Variants in MED13 observed in about 807,000 individuals in gnomAD.
The protein encoded by MED13 is mediator of RNA polymerase II transcription subunit 13.
In MED13, 23 loss-of-function variants were observed where a neutral mutation model predicts 225.2. The ratio of observed to expected loss-of-function variants is 0.10; its 90% CI spans 0.07 to 0.14. The LOEUF (loss-of-function observed/expected upper bound fraction) is 0.14, where lower values mean the gene tolerates loss of function less well. MED13 is among the 10% of genes least tolerant of loss of function. MED13 has a pLI of 1.00. For missense variants in MED13, 2,197 were observed against 2,594.5 expected (o/e 0.85, Z 3.33); for synonymous variants, 942 against 889.2 (o/e 1.06, Z -1.06).
intron 10 of MED13, 46 bp downstream of exon 10, chr17:61,995,106 C>T: frequency 1.5e-6 from 2 of 1,314,822 alleles, no homozygotes; most frequent in Non-Finnish European, 2.2e-6. Flanking sequence ...ATATGCAGTG[C>T]TACAAAATCA....
At chr17:61,961,295 C>A (rs986115791) in intron 22 of MED13, among the ~76,000 whole-genome samples, 7 of 151,866 alleles carry the variant, frequency 4.6e-5, no homozygotes, top group African/African-American at 1.7e-4. Context: ...TTGGGAAGCA[C>A]AGGTGGGCGA....
Position 62,052,594 on chromosome 17 carries a change from C to T in MED13, c.413G>A (p.Arg138His), listed in dbSNP as rs146092856. The change falls in exon 3 of 30, where the codon CGT becomes CAT. Residue 138 changes from arginine (R) to histidine (H), a missense_variant. Transcript: ENST00000397786. ...ERCLMNRNFV[R>H]IGKWFVKPYE... ...AGGCTTTACAAACCACTTGCCAATA[C>T]GTACAAAATTCCTGTTCATTAAACA... 6.3e-6 allele frequency: 10 copies of T among 1,596,914 alleles called. No homozygotes were observed. The highest frequency in any genetic ancestry group is 8.5e-6 in the Non-Finnish European group (10 of 1,170,406).
intron 8 of MED13, among the ~76,000 whole-genome samples, chr17:62,024,322 G>A (rs1445964116): frequency 6.6e-6 from 1 of 152,160 alleles, no homozygotes. Flanking sequence ...CTGGACAAGA[G>A]AAAACAACTT....
intron 24 of MED13, 135 bp downstream of exon 24, chr17:61,956,204 T>C: frequency 1.2e-6 from 1 of 843,568 alleles, no homozygotes; most frequent in Non-Finnish European, 1.7e-6. Context: ...TTAAGCCATT[T>C]GTGGCCTAGA....
intron 16 of MED13, among the ~76,000 whole-genome samples, chr17:61,976,911 A>G (rs2143431361): frequency 6.6e-6 from 1 of 152,310 alleles, no homozygotes. Flanking sequence ...CAGCCTGGGC[A>G]ACAGAGTGAG....
At chr17:61,952,929 C>G in intron 27 of MED13, 36 bp downstream of exon 27, 1 of 1,599,536 alleles carries the variant, frequency 6.3e-7, no homozygotes, top group Non-Finnish European at 8.5e-7. Flanking sequence ...GCCACTGCGC[C>G]CGGCCGAGAA....
chr17:62,063,052 GA>G lies in MED13; in HGVS notation c.301+14del. On this transcript the variant is annotated intron_variant, in intron 2 of 29. Coordinates refer to ENST00000397786, the MANE Select transcript of MED13 (RefSeq NM_005121.3). Reference sequence around the variant, plus strand: ...GTTGCTATATCATTAGTTAGAAATGGAAAGTTTCTTTCACCTGATAAGTCAT... The same window carrying G: ...GTTGCTATATCATTAGTTAGAAATGGAAGTTTCTTTCACCTGATAAGTCAT... The G allele has an allele frequency of 6.3e-7, 1 of 1,583,700 alleles. No individual in the cohort carries two copies. The highest frequency in any genetic ancestry group is 8.7e-7 in the Non-Finnish European group (1 of 1,153,316).
intron 23 of MED13, among the ~76,000 whole-genome samples, chr17:61,960,198 C>T (rs1436719490): frequency 6.6e-6 from 1 of 152,086 alleles, no homozygotes; most frequent in Non-Finnish European, 1.5e-5. Flanking sequence ...TAGTTATATC[C>T]TTCGTAAATA....
rs1220074385 is a variant in MED13 at position 61,955,521 on chromosome 17, A to G, written c.5829T>C (p.Asn1943=). The G allele has an allele frequency of 6.3e-7, 1 of 1,584,722 alleles. No individual in the cohort carries two copies. The highest frequency in any genetic ancestry group is 2.2e-5 in the East Asian group (1 of 44,622). The change falls in exon 26 of 30, where the codon AAT becomes AAC. Residue 1943 remains asparagine, a synonymous_variant. Transcript: ENST00000397786. ...GSVFGRSTTL[N]MQTSQLNTPQ... ...GGGTATTTAGCTGAGATGTCTGCAT[A>G]TTTAGAGTCGTGCTTCTTCCAAATA... is the stretch of plus-strand genomic sequence containing the variant.
intron 10 of MED13, among the ~76,000 whole-genome samples, chr17:61,994,811 G>C (rs1458686979): frequency 6.6e-6 from 1 of 152,168 alleles, no homozygotes; most frequent in Non-Finnish European, 1.5e-5. Context: ...CTGGGTTCAA[G>C]GGATTCTCCT....
At chr17:62,021,271 A>C (rs2080641570) in intron 8 of MED13, among the ~76,000 whole-genome samples, 1 of 150,426 alleles carries the variant, frequency 6.6e-6, no homozygotes. Flanking sequence ...GCGGCCGGGC[A>C]GAGGCGCCCC....
intron 17 of MED13, among the ~76,000 whole-genome samples, chr17:61,970,323 G>A (rs2080095665): frequency 6.6e-6 from 1 of 152,082 alleles, no homozygotes. Flanking sequence ...TTCATCCACT[G>A]AATCAGCATC....
chr17:62,041,633 G>C (rs1365883189), intron 3 of MED13, among the ~76,000 whole-genome samples: 1 of 152,026 alleles, frequency 6.6e-6, no homozygotes, highest in East Asian at 1.9e-4. Context: ...CTGGAGTGCA[G>C]TGGCATGATC....
Position 61,953,126 on chromosome 17 carries a change from A to G in MED13, c.5969-13T>C, listed in dbSNP as rs2079911067. ...CCATCTGCTCCATCTAAACAGGAGA[A>G]AGAAAAGAAATTTAAAACTCCATTT... On this transcript the variant is annotated splice_polypyrimidine_tract_variant and intron_variant, in intron 26 of 29. Transcript: ENST00000397786. The G allele has an allele frequency of 6.2e-7, 1 of 1,603,656 alleles. No homozygotes were observed. Among genetic ancestry groups the G allele is most frequent in the East Asian group, 2.2e-5 (1 of 44,810 alleles).
Position 61,992,622 on chromosome 17 carries a change from C to A in MED13, c.2182-1G>T. 6.3e-7 allele frequency: 1 copy of A among 1,598,084 alleles called. No individual in the cohort carries two copies. Among genetic ancestry groups the A allele is most frequent in the Non-Finnish European group, 8.6e-7 (1 of 1,166,838 alleles). On this transcript the variant is annotated splice_acceptor_variant, in intron 10 of 29. Transcript: ENST00000397786. LOFTEE classifies it high-confidence loss of function. ...TTACACTAGATGTCCCATCTTCTAC[C>A]TGCAAACAAATATTTCATGTTAGGC...
chr17:62,031,882 GA>G (rs1320164831), intron 5 of MED13, among the ~76,000 whole-genome samples: 1 of 151,418 alleles, frequency 6.6e-6, no homozygotes, highest in Non-Finnish European at 1.5e-5. Flanking sequence ...GAGAGATTTG[GA>G]AAAAGGCAGC....
At chr17:61,992,031 T>C (rs988855484) in intron 11 of MED13, among the ~76,000 whole-genome samples, 3 of 152,246 alleles carry the variant, frequency 2.0e-5, no homozygotes, top group African/African-American at 7.2e-5. Flanking sequence ...TGCTATAGGC[T>C]TGAAAGTAGT....
At chr17:61,996,158 G>C (rs1380553282) in intron 9 of MED13, among the ~76,000 whole-genome samples, 1 of 152,162 alleles carries the variant, frequency 6.6e-6, no homozygotes, top group Non-Finnish European at 1.5e-5. Context: ...GGATAAAAGA[G>C]GGATGCCACA....
At position 61,982,637 on chromosome 17, in the gene MED13, A is replaced by G; in HGVS notation, c.3366T>C (p.Cys1122=). 6.2e-7 allele frequency: 1 copy of G among 1,614,198 alleles called. No homozygotes were observed. The highest frequency in any genetic ancestry group is 8.5e-7 in the Non-Finnish European group (1 of 1,180,036). The part of the protein sequence containing the change: ...PDPTQEAQYR[C]TCGFSAVMNR... ...TCATGACAGCACTGAAGCCACAGGT[A>G]CACCTATATTGTGCTTCCTGCGTTG... The change falls in exon 16 of 30, where the codon TGT becomes TGC. Residue 1122 remains cysteine, a synonymous_variant. Transcript: ENST00000397786.
Sources: gnomAD v4.1 joint callset for allele counts (sites outside exome capture counted in the v4.1 genomes callset) on GRCh38, gnomAD v4.1.1 for gene constraint, MANE v1.5 for transcripts, NCBI Gene and HGNC (gene_info 2026-07-23, HGNC 2026-07-21) for gene names.